BUB1B: variants seen among roughly 807,000 people sequenced by gnomAD.
BUB1B encodes the protein mitotic checkpoint serine/threonine-protein kinase BUB1 beta.
BUB1B carries 86 observed loss-of-function variants against 137.7 expected under a neutral mutation model. That is an observed-to-expected ratio of 0.62 (90% CI 0.52 to 0.75). The LOEUF (loss-of-function observed/expected upper bound fraction) is 0.75, where lower values mean the gene tolerates loss of function less well. BUB1B is among the 30% of genes least tolerant of loss of function. The probability of loss-of-function intolerance (pLI) is 0.00; values close to 1 mark genes in which losing one functional copy is unlikely to be tolerated. For synonymous variants in BUB1B, 420 were observed against 417.9 expected (o/e 1.00, Z -0.06); for missense variants, 1,130 against 1,236.9 (o/e 0.91, Z 1.30).
intron 20 of BUB1B, among the ~76,000 whole-genome samples, chr15:40,215,244 C>T (rs566370909): frequency 2.6e-5 from 4 of 152,220 alleles, no homozygotes; most frequent in South Asian, 2.1e-4. Context: ...GAGGCTGAGG[C>T]GGGCAGATCA....
At chr15:40,207,777 C>T (rs1353470674) in intron 15 of BUB1B, among the ~76,000 whole-genome samples, 2 of 151,970 alleles carry the variant, frequency 1.3e-5, no homozygotes, top group Admixed American at 6.6e-5. Context: ...TGGCTCTTGC[C>T]TGTAATCCCA....
chr15:40,216,547 C>CTATA (rs763770679), intron 20 of BUB1B, among the ~76,000 whole-genome samples: 5 of 125,528 alleles, frequency 4.0e-5, no homozygotes, highest in African/African-American at 1.3e-4. Flanking sequence ...TATATATATA[C>CTATA]TATATATATA....
At position 40,165,575 on chromosome 15, in the gene BUB1B, A is replaced by G. The variant is rs150845132; in HGVS notation, c.179+379A>G. Reference sequence around the variant, plus strand: ...AAGAAGTGGTCTCCAAAGACATGTAAACCTCAGAACAATTGAATTTATACC... The same window carrying G: ...AAGAAGTGGTCTCCAAAGACATGTAGACCTCAGAACAATTGAATTTATACC... On this transcript the variant is annotated intron_variant, in intron 2 of 22. Transcript: ENST00000287598. Among the ~76,000 whole-genome samples, 223 of 152,336 alleles carry G rather than the reference A, an allele frequency of 1.5e-3. 1 individual carries two copies. Among genetic ancestry groups the G allele is most frequent in the African/African-American group, 5.2e-3 (217 of 41,570 alleles).
intron 8 of BUB1B, among the ~76,000 whole-genome samples, chr15:40,190,684 C>T (rs2037425418): frequency 6.6e-6 from 1 of 152,118 alleles, no homozygotes; most frequent in African/African-American, 2.4e-5. Context: ...TCATCAGCAT[C>T]GCTACTCTTG....
intron 12 of BUB1B, 126 bp downstream of exon 12, chr15:40,201,106 A>G (rs1020365714): frequency 5.9e-6 from 5 of 847,422 alleles, no homozygotes; most frequent in Admixed American, 2.2e-5. Context: ...CTAGGAATTT[A>G]GTATAAGCAT....
intron 20 of BUB1B, among the ~76,000 whole-genome samples, chr15:40,214,498 G>A (rs1402326014): frequency 6.6e-6 from 1 of 152,152 alleles, no homozygotes; most frequent in East Asian, 1.9e-4. Context: ...CCTGTGTCTT[G>A]GGTGAGGTGT....
At chr15:40,207,000 G>T (rs1429822434) in intron 15 of BUB1B, among the ~76,000 whole-genome samples, 3 of 152,208 alleles carry the variant, frequency 2.0e-5, no homozygotes, top group East Asian at 3.9e-4. Flanking sequence ...AGTAGAGACG[G>T]GGTTTCGCCA....
At chr15:40,210,295 T>C in intron 18 of BUB1B, 85 bp downstream of exon 18, 1 of 1,048,994 alleles carries the variant, frequency 9.5e-7, no homozygotes. Context: ...CATCAAATCT[T>C]TCTAATAATC....
chr15:40,161,329 C>G, intron 1 of BUB1B, 74 bp downstream of exon 1: 1 of 1,528,132 alleles, frequency 6.5e-7, no homozygotes, highest in Non-Finnish European at 8.8e-7. Flanking sequence ...AGGCTCCGCT[C>G]GGAGCAGTCG....
chr15:40,206,121 C>A, intron 14 of BUB1B, 63 bp from the exon 15 acceptor site: 1 of 1,540,866 alleles, frequency 6.5e-7, no homozygotes, highest in Non-Finnish European at 9.0e-7. Context: ...ATGTCTCTCT[C>A]AGTAAAAAAG....
At chr15:40,183,977 T>G (rs2037329044) in intron 6 of BUB1B, 94 bp downstream of exon 6, 2 of 1,342,086 alleles carry the variant, frequency 1.5e-6, no homozygotes, top group Admixed American at 1.9e-5. Flanking sequence ...TGGACACTTC[T>G]AGTTTGCTGA....
intron 22 of BUB1B, 32 bp from the exon 23 acceptor site, chr15:40,220,532 A>G: frequency 6.2e-7 from 1 of 1,609,802 alleles, no homozygotes; most frequent in South Asian, 1.1e-5. Context: ...CATATGCCTA[A>G]TCTTGATGGA....
intron 22 of BUB1B, among the ~76,000 whole-genome samples, chr15:40,220,104 A>G (rs150247049): frequency 6.6e-6 from 1 of 152,332 alleles, no homozygotes; most frequent in East Asian, 1.9e-4. Flanking sequence ...AAAGAAAATA[A>G]TAAGAAGCAA....
At chr15:40,171,811 G>A (rs1342702504) in intron 4 of BUB1B, among the ~76,000 whole-genome samples, 1 of 152,100 alleles carries the variant, frequency 6.6e-6, no homozygotes, top group Admixed American at 6.5e-5. Flanking sequence ...GCTCATGCCT[G>A]TAATCCCAGC....
At position 40,209,791 on chromosome 15, in the gene BUB1B, C is replaced by A. The variant is rs978957568; in HGVS notation, c.2284+16C>A. On this transcript the variant is annotated intron_variant, in intron 17 of 22. Transcript: ENST00000287598. Reference sequence around the variant, plus strand: ...ATTGAATTAGGTAAGTACCATTGAACTCATGTCCTCTGGTTCATGACAGTA... The same window carrying A: ...ATTGAATTAGGTAAGTACCATTGAAATCATGTCCTCTGGTTCATGACAGTA... 6.2e-7 allele frequency: 1 copy of A among 1,613,772 alleles called. No homozygotes were observed. Among genetic ancestry groups the A allele is most frequent in the South Asian group, 1.1e-5 (1 of 91,066 alleles).
At chr15:40,182,842 G>GA (rs1156818165) in intron 5 of BUB1B, among the ~76,000 whole-genome samples, 1 of 152,090 alleles carries the variant, frequency 6.6e-6, no homozygotes, top group East Asian at 1.9e-4. Context: ...AACCACAAGA[G>GA]AAAATAGAAG....
chr15:40,204,265 A>G (rs532397098), intron 14 of BUB1B, among the ~76,000 whole-genome samples: 2 of 152,158 alleles, frequency 1.3e-5, no homozygotes, highest in African/African-American at 2.4e-5. Flanking sequence ...ATTCTGCTAC[A>G]GTTAGTCTAC....
At chr15:40,216,826 G>A (rs1159875565) in intron 20 of BUB1B, among the ~76,000 whole-genome samples, 2 of 151,682 alleles carry the variant, frequency 1.3e-5, no homozygotes, top group Non-Finnish European at 2.9e-5. Context: ...TTTATAAACA[G>A]TTCCTATGTC....
chr15:40,220,821 AAACTGT>A lies in BUB1B; in HGVS notation c.*64_*69del. On this transcript the variant is annotated 3_prime_UTR_variant, in exon 23 of 23. Transcript: ENST00000287598. ...GCAATGGTTGTATTGTGGAACACTG[AAACTGT>A]ATGTGCTGTAATTTAATTTAGGACA... 6.6e-7 allele frequency: 1 copy of A among 1,514,034 alleles called. No individual in the cohort carries two copies. Among genetic ancestry groups the A allele is most frequent in the Non-Finnish European group, 9.2e-7 (1 of 1,089,390 alleles). The allele number at this position is 1,514,034 out of a possible 1,614,324, so 93.8% of individuals were successfully genotyped here. A position where few individuals can be genotyped will look rare whatever the true frequency, so the allele number is the denominator to read the frequency against.
Sources: gnomAD v4.1 joint callset for allele counts (sites outside exome capture counted in the v4.1 genomes callset) on GRCh38, gnomAD v4.1.1 for gene constraint, MANE v1.5 for transcripts, NCBI Gene and HGNC (gene_info 2026-07-23, HGNC 2026-07-21) for gene names.